The following PRICKLE2 variants were observed in gnomAD, a reference collection of about 807,000 sequenced individuals.
The protein encoded by PRICKLE2 is prickle planar cell polarity protein 2, also known as prickle-like protein 2.
A neutral mutation model predicts 81.4 loss-of-function variants in PRICKLE2; 21 were observed. That is an observed-to-expected ratio of 0.26 (90% CI 0.18 to 0.37). The LOEUF is 0.37. PRICKLE2 is among the 10% of genes least tolerant of loss of function. The pLI, the probability that PRICKLE2 is intolerant of heterozygous loss-of-function variation, is 1.00. For synonymous variants in PRICKLE2, 456 were observed against 421.5 expected (o/e 1.08, Z -1.00); for missense variants, 940 against 1,109.0 (o/e 0.85, Z 2.16).
At chr3:64,133,542 A>G (rs904497065) in intron 7 of PRICKLE2, among the ~76,000 whole-genome samples, 4 of 151,998 alleles carry the variant, frequency 2.6e-5, no homozygotes, top group Admixed American at 2.6e-4. Context: ...TAACTCCTCT[A>G]AGCTGTGGCA....
intron 1 of PRICKLE2, among the ~76,000 whole-genome samples, chr3:64,213,606 A>G (rs1014125262): frequency 6.6e-6 from 1 of 152,168 alleles, no homozygotes; most frequent in African/African-American, 2.4e-5. Flanking sequence ...TGAATGCTGG[A>G]GGTATCTGGA....
At chr3:64,247,380 A>G (rs1248717551) in intron 2 of PRICKLE2, among the ~76,000 whole-genome samples, 3 of 152,168 alleles carry the variant, frequency 2.0e-5, no homozygotes, top group Non-Finnish European at 2.9e-5. Flanking sequence ...TTTATAGGCT[A>G]CAGATTATCC....
intron 2 of PRICKLE2, among the ~76,000 whole-genome samples, chr3:64,178,952 T>A (rs536449043): frequency 6.2e-4 from 94 of 152,182 alleles, no homozygotes; most frequent in African/African-American, 2.1e-3. Flanking sequence ...GAAGATTATC[T>A]AACATACATA....
At chr3:64,131,191 C>T (rs183332363) in intron 7 of PRICKLE2, among the ~76,000 whole-genome samples, 25 of 152,294 alleles carry the variant, frequency 1.6e-4, no homozygotes, top group Non-Finnish European at 3.4e-4. Flanking sequence ...TCATCACAAG[C>T]GATAAGACCG....
Position 64,153,219 on chromosome 3 carries a change from C to T in PRICKLE2, c.750G>A (p.Leu250=), listed in dbSNP as rs745835545. 6 of 1,614,212 alleles carry T rather than the reference C, an allele frequency of 3.7e-6. No homozygotes were observed. The Admixed American group carries it at 6.7e-5, about 18-fold the overall frequency. Residue 250 remains leucine, a synonymous_variant, in exon 6 of 8, where the codon TTG becomes TTA. Coordinates refer to ENST00000638394, the MANE Select transcript of PRICKLE2 (RefSeq NM_198859.4). ...RPYCCHCFES[L]YAEYCDTCAQ... is the part of the protein sequence containing the mutation. ...CACAGGTGTCACAATATTCTGCATACAAGGACTCGAAGCAGTGGCAACAGT... is the reference window on the plus strand; with the variant it reads ...CACAGGTGTCACAATATTCTGCATATAAGGACTCGAAGCAGTGGCAACAGT...
At position 64,137,540 on chromosome 3, in the gene PRICKLE2, T is replaced by C. The variant is rs538549811; in HGVS notation, c.1660+9290A>G. The stretch of plus-strand genomic sequence containing the variant: ...GGTTATAAATAAGACTTTTGAACAG[T>C]TATCAAAAACCAGGACACTGGAAAA... On this transcript the variant is annotated intron_variant, in intron 7 of 7. Transcript: ENST00000638394. Among the ~76,000 whole-genome samples the C allele has an allele frequency of 2.0e-5, 3 of 152,150 alleles. No homozygotes were observed. The East Asian group carries it at 5.8e-4, about 29-fold the overall frequency.
At position 64,160,496 on chromosome 3, in the gene PRICKLE2, C is replaced by T. The variant is rs571985634; in HGVS notation, c.259-419G>A. Among the ~76,000 whole-genome samples the T allele has an allele frequency of 6.6e-5, 10 of 152,310 alleles. No individual in the cohort carries two copies. In the East Asian group the frequency reaches 1.4e-3, roughly 21 times the overall value. ...GTGCCCATGCAAGTGATCCTTGACA[C>T]CAAGAATGACTCTAAGTCAGTGAGC... On this transcript the variant is annotated intron_variant, in intron 3 of 7. Coordinates refer to ENST00000638394, the MANE Select transcript of PRICKLE2 (RefSeq NM_198859.4).
chr3:64,259,252 A>G (rs2079581657), intron 2 of PRICKLE2, among the ~76,000 whole-genome samples: 1 of 152,250 alleles, frequency 6.6e-6, no homozygotes, highest in African/African-American at 2.4e-5. Context: ...GTAAAAATAT[A>G]TAACAGTAAG....
intron 2 of PRICKLE2, among the ~76,000 whole-genome samples, chr3:64,185,529 A>C (rs1240850132): frequency 6.6e-6 from 1 of 152,156 alleles, no homozygotes; most frequent in Non-Finnish European, 1.5e-5. Flanking sequence ...GAGATTATGA[A>C]ATGAGCCAGT....
chr3:64,193,303 T>TGCACAGGA (rs1442193431), intron 2 of PRICKLE2, among the ~76,000 whole-genome samples: 8 of 152,122 alleles, frequency 5.3e-5, no homozygotes, highest in African/African-American at 1.4e-4. Context: ...TCTGGTACTT[T>TGCACAGGA]TTGGGATGCT....
chr3:64,134,828 T>G (rs772142822), intron 7 of PRICKLE2, among the ~76,000 whole-genome samples: 10 of 152,210 alleles, frequency 6.6e-5, no homozygotes, highest in South Asian at 2.1e-4. Context: ...GGTGAGTTAT[T>G]CCAGTCAGTT....
chr3:64,165,230 T>C (rs952577359), intron 2 of PRICKLE2, among the ~76,000 whole-genome samples: 1 of 152,138 alleles, frequency 6.6e-6, no homozygotes, highest in African/African-American at 2.4e-5. Flanking sequence ...CCTTCTTAAC[T>C]GGTACTTTGA....
chr3:64,157,829 T>A (rs1171851203), intron 4 of PRICKLE2, among the ~76,000 whole-genome samples: 2 of 151,810 alleles, frequency 1.3e-5, no homozygotes, highest in Non-Finnish European at 2.9e-5. Context: ...GGAGGGAGGG[T>A]GGATACATAA....
chr3:64,149,969 CTTTTTTTTTT>C (rs34841544), intron 6 of PRICKLE2, among the ~76,000 whole-genome samples: 2 of 109,736 alleles, frequency 1.8e-5, no homozygotes, highest in African/African-American at 3.6e-5. Context: ...TCAACTCCAT[CTTTTTTTTTT>C]TTTTTTTTTT....
intron 2 of PRICKLE2, among the ~76,000 whole-genome samples, chr3:64,198,203 C>T (rs905394909): frequency 6.7e-6 from 1 of 148,864 alleles, no homozygotes; most frequent in African/African-American, 2.5e-5. Flanking sequence ...CAGAGCGAGA[C>T]TCTATCTAAA....
intron 1 of PRICKLE2, among the ~76,000 whole-genome samples, chr3:64,216,257 T>G (rs988641322): frequency 1.3e-5 from 2 of 152,228 alleles, no homozygotes; most frequent in African/African-American, 4.8e-5. Context: ...TTGATGCCCT[T>G]AAAATCTGAT....
intron 2 of PRICKLE2, among the ~76,000 whole-genome samples, chr3:64,176,692 T>C (rs931986547): frequency 6.6e-6 from 1 of 152,236 alleles, no homozygotes; most frequent in East Asian, 1.9e-4. Context: ...GTTTCATTTC[T>C]GCACATTAAA....
intron 2 of PRICKLE2, among the ~76,000 whole-genome samples, chr3:64,176,996 G>C (rs752781057): frequency 6.6e-6 from 1 of 152,046 alleles, no homozygotes; most frequent in Non-Finnish European, 1.5e-5. Flanking sequence ...AAGAAGGTTT[G>C]GTTTGGATGA....
At chr3:64,215,250 T>G (rs1194697721) in intron 1 of PRICKLE2, among the ~76,000 whole-genome samples, 2 of 152,138 alleles carry the variant, frequency 1.3e-5, no homozygotes, top group African/African-American at 2.4e-5. Context: ...GCCTCAGCAG[T>G]CTTTATTTGT....
Sources: allele counts gnomAD v4.1 joint callset (sites outside exome capture counted in the v4.1 genomes callset), GRCh38; gene constraint gnomAD v4.1.1; transcripts MANE v1.5; gene names NCBI Gene and HGNC (gene_info 2026-07-23, HGNC 2026-07-21).